ARHGEF15: variants seen among roughly 807,000 people sequenced by gnomAD.
ARHGEF15 encodes the protein Rho guanine nucleotide exchange factor 15.
In ARHGEF15, 58 loss-of-function variants were observed where a neutral mutation model predicts 79.7. The observed-to-expected ratio is 0.73, with a 90% CI of 0.59 to 0.91. ARHGEF15 has a LOEUF of 0.91. Ranked by LOEUF, ARHGEF15 falls within the 40% of genes least tolerant of loss-of-function variation. The pLI, the probability that ARHGEF15 is intolerant of heterozygous loss-of-function variation, is 0.00. For synonymous variants in ARHGEF15, 442 were observed against 456.0 expected (o/e 0.97, Z 0.39); for missense variants, 1,012 against 1,108.1 (o/e 0.91, Z 1.23).
chr17:8,318,992 C>T lies in ARHGEF15; in HGVS notation c.2034-15C>T, dbSNP rs1396443862. 1.9e-6 allele frequency: 3 copies of T among 1,612,502 alleles called. No homozygotes were observed. The highest frequency in any genetic ancestry group is 2.5e-6 in the Non-Finnish European group (3 of 1,179,456). On this transcript the variant is annotated splice_polypyrimidine_tract_variant and intron_variant, in intron 12 of 15. Coordinates refer to ENST00000361926, the MANE Select transcript of ARHGEF15 (RefSeq NM_173728.4). This position sits in a 1 kb window ranked among gnomAD's most constrained non-coding sequence, Gnocchi z 5.0. ...GACCCCTGCTGTCCTTCTGAACGAC[C>T]TCATCCCTGGGCAGTGGGCAGCGGT...
At position 8,314,958 on chromosome 17, in the gene ARHGEF15, C is replaced by A; in HGVS notation, c.1042C>A (p.Gln348Lys). 1 of 1,614,028 alleles carries A rather than the reference C, an allele frequency of 6.2e-7. No homozygotes were observed. Among genetic ancestry groups the A allele is most frequent in the South Asian group, 1.1e-5 (1 of 91,066 alleles). Residue 348 changes from glutamine to lysine, a missense_variant, in exon 5 of 16, where the codon CAG (glutamine) becomes AAG (lysine). Physicochemically the swap from Gln to Lys is moderately conservative, Grantham distance 53. This residue lies in a region of ARHGEF15 where 818 missense variants were observed against 882.5 expected (regional missense o/e 0.93). Coordinates refer to ENST00000361926, the MANE Select transcript of ARHGEF15 (RefSeq NM_173728.4). ...GGAGCAGAATTGGGAGCTGCCCCTGCAGGATGGTGAGGGCCTCTGGACCTG... is the reference window on the plus strand; with the variant it reads ...GGAGCAGAATTGGGAGCTGCCCCTGAAGGATGGTGAGGGCCTCTGGACCTG... ...LKEQNWELPL[Q>K]DEPLYQTYRA...
rs768425008 is a variant in ARHGEF15 at position 8,312,122 on chromosome 17, C to T, written c.83C>T (p.Ser28Phe). ...ATCCGCCCCCGCCCTCCTTCTCGTT[C>T]CAGGGCTGCCCAGTCCCCAGGGCCT... ...RIIRPRPPSR[S>F]RAAQSPGPPH... Residue 28 changes from serine to phenylalanine, a missense_variant, in exon 2 of 16, where the codon TCC becomes TTC. This residue lies in a region of ARHGEF15 where 818 missense variants were observed against 882.5 expected (regional missense o/e 0.93). Coordinates refer to ENST00000361926, the MANE Select transcript of ARHGEF15 (RefSeq NM_173728.4). The T allele has an allele frequency of 5.4e-6, 8 of 1,471,972 alleles. No individual in the cohort carries two copies. In the Admixed American group the frequency reaches 5.6e-5, roughly 10 times the overall value. The allele number at this position is 1,471,972 out of a possible 1,614,324, so 91.2% of individuals were successfully genotyped here. A position where few individuals can be genotyped will look rare whatever the true frequency, so the allele number is the denominator to read the frequency against.
At position 8,315,914 on chromosome 17, in the gene ARHGEF15, G is replaced by A; in HGVS notation, c.1574+7G>A. 1.9e-6 allele frequency: 3 copies of A among 1,607,794 alleles called. No individual in the cohort carries two copies. The highest frequency in any genetic ancestry group is 2.7e-5 in the African/African-American group (2 of 75,018). On this transcript the variant is annotated splice_region_variant and intron_variant, in intron 8 of 15. Coordinates refer to ENST00000361926, the MANE Select transcript of ARHGEF15 (RefSeq NM_173728.4). The surrounding 1 kb of genome is among the most constrained non-coding windows in gnomAD (Gnocchi z 4.3). ...AGACCTACAGCCGCCTCATGTGAGTGTCCCAGGGGTGGGGAGGAAGCTGGG... is the reference window on the plus strand; with the variant it reads ...AGACCTACAGCCGCCTCATGTGAGTATCCCAGGGGTGGGGAGGAAGCTGGG...
chr17:8,315,911 A>T lies in ARHGEF15; in HGVS notation c.1574+4A>T, dbSNP rs747306287. On this transcript the variant is annotated splice_donor_region_variant and intron_variant, in intron 8 of 15. Coordinates refer to ENST00000361926, the MANE Select transcript of ARHGEF15 (RefSeq NM_173728.4). This position sits in a 1 kb window ranked among gnomAD's most constrained non-coding sequence, Gnocchi z 4.3. ...AGGAGACCTACAGCCGCCTCATGTG[A>T]GTGTCCCAGGGGTGGGGAGGAAGCT... The T allele has an allele frequency of 1.3e-5, 21 of 1,607,888 alleles. No individual in the cohort carries two copies. The highest frequency in any genetic ancestry group is 1.8e-5 in the Non-Finnish European group (21 of 1,179,770).
intron 4 of ARHGEF15, 121 bp from the exon 5 acceptor site, chr17:8,314,785 G>C (rs931758356): frequency 2.1e-6 from 2 of 973,694 alleles, no homozygotes; most frequent in Non-Finnish European, 2.9e-6. Context: ...GATTTGGGGA[G>C]CCGTCAGGGT....
Position 8,320,908 on chromosome 17 carries a change from AAAG to A in ARHGEF15, c.2442_2444del (p.Arg817del). On this transcript the variant is annotated inframe_deletion, in exon 16 of 16. Transcript: ENST00000361926. ...GTGTGTGAAGTCACAGGGGAACACG[AAAG>A]GAGGAGGCACCTTCGCCAGAACCAG... 6.2e-7 allele frequency: 1 copy of A among 1,613,956 alleles called. No homozygotes were observed. Among genetic ancestry groups the A allele is most frequent in the Non-Finnish European group, 8.5e-7 (1 of 1,180,000 alleles).
At chr17:8,320,574 A>G (rs1905317833) in intron 15 of ARHGEF15, among the ~76,000 whole-genome samples, 1 of 152,186 alleles carries the variant, frequency 6.6e-6, no homozygotes, top group Admixed American at 6.5e-5. Flanking sequence ...GGGATCACGC[A>G]GGACCTGACA....
chr17:8,319,441 G>T lies in ARHGEF15; in HGVS notation c.2269+47G>T. 6 of 1,599,342 alleles carry T rather than the reference G, an allele frequency of 3.8e-6. No homozygotes were observed. The South Asian group carries it at 5.6e-5, about 15-fold the overall frequency. ...ATGAGGGAAGAAAAAGCGAGTCTTA[G>T]AGGAATATGGGGGAGAAGCTAAACA... On this transcript the variant is annotated intron_variant, in intron 14 of 15. Coordinates refer to ENST00000361926, the MANE Select transcript of ARHGEF15 (RefSeq NM_173728.4).
In ARHGEF15 at chr17:8,314,925, G is replaced by A; in HGVS notation, c.1009G>A (p.Val337Met). 3 of 1,614,018 alleles carry A rather than the reference G, an allele frequency of 1.9e-6. No homozygotes were observed. Among genetic ancestry groups the A allele is most frequent in the Non-Finnish European group, 2.5e-6 (3 of 1,179,984 alleles). Reference protein sequence around the residue: ...VEGREEEGLEVLKEQNWELPL... With the variant: ...VEGREEEGLEMLKEQNWELPL... ...CCACAGGGAAGAGGAGGGGCTAGAG[G>A]TGCTGAAGGAGCAGAATTGGGAGCT... The change falls in exon 5 of 16, where the codon GTG becomes ATG. Residue 337 changes from valine (V) to methionine (M), a missense_variant. This residue lies in a region of ARHGEF15 where 818 missense variants were observed against 882.5 expected (regional missense o/e 0.93). Transcript: ENST00000361926.
Position 8,319,323 on chromosome 17 carries a change from A to G in ARHGEF15, c.2198A>G (p.Gln733Arg). The change falls in exon 14 of 16, where the codon CAG (glutamine) becomes CGG (arginine). Residue 733 changes from glutamine (Q) to arginine (R), a missense_variant. Around this residue, in one of 3 missense-constraint regions of ARHGEF15, gnomAD observed 62 missense variants for 101.3 expected, o/e 0.61. Transcript: ENST00000361926. Reference protein sequence around the residue: ...LLQASSLSDMQRWLGAFPTPG... With the variant: ...LLQASSLSDMRRWLGAFPTPG... ...AATATCCCCACCAGATCAGACATGC[A>G]GCGCTGGCTGGGAGCCTTCCCAACC... The G allele has an allele frequency of 6.2e-7, 1 of 1,613,990 alleles. No homozygotes were observed. The highest frequency in any genetic ancestry group is 8.5e-7 in the Non-Finnish European group (1 of 1,179,978).
chr17:8,315,806 C>G lies in ARHGEF15; in HGVS notation c.1473C>G (p.Asp491Glu). ...SRVRSSPHIS[D>E]LCDVVHAHAV... ...TGCGCTCTTCCCCCCACATCAGCGACTTGTGTGATGTGGTGCATGCCCACG... is the reference window on the plus strand; with the variant it reads ...TGCGCTCTTCCCCCCACATCAGCGAGTTGTGTGATGTGGTGCATGCCCACG... Residue 491 changes from aspartate (D) to glutamate (E), a missense_variant, in exon 8 of 16, where the codon GAC becomes GAG. Around this residue, in one of 3 missense-constraint regions of ARHGEF15, gnomAD observed 818 missense variants for 882.5 expected, o/e 0.93. Transcript: ENST00000361926. The surrounding 1 kb of genome is among the most constrained non-coding windows in gnomAD (Gnocchi z 4.3). 3 of 1,613,422 alleles carry G rather than the reference C, an allele frequency of 1.9e-6. No homozygotes were observed. Among genetic ancestry groups the G allele is most frequent in the Non-Finnish European group, 2.5e-6 (3 of 1,180,010 alleles).
rs1254623253 is a variant in ARHGEF15 at position 8,318,602 on chromosome 17, C to CATGAA, written c.1813_1817dup (p.Gln607Ter). 4 of 1,613,862 alleles carry CATGAA rather than the reference C, an allele frequency of 2.5e-6. No individual in the cohort carries two copies. Among genetic ancestry groups the CATGAA allele is most frequent in the Non-Finnish European group, 3.4e-6 (4 of 1,179,794 alleles). ...AGCGTTGCAGCGCTGAGGTGGGGCG[C>CATGAA]ATGAAGCAGACTGAAGAGCTGATCC... On this transcript the variant is annotated frameshift_variant, in exon 11 of 16. Coordinates refer to ENST00000361926, the MANE Select transcript of ARHGEF15 (RefSeq NM_173728.4). LOFTEE classifies it high-confidence loss of function. This position sits in a 1 kb window ranked among gnomAD's most constrained non-coding sequence, Gnocchi z 5.0.
chr17:8,320,513 C>T (rs1307036519), intron 15 of ARHGEF15, among the ~76,000 whole-genome samples: 1 of 151,992 alleles, frequency 6.6e-6, no homozygotes, highest in Non-Finnish European at 1.5e-5. Context: ...GTGTGACTAG[C>T]AGGAGAGAGA....
intron 1 of ARHGEF15, among the ~76,000 whole-genome samples, chr17:8,310,571 G>T (rs1179935555): frequency 1.3e-5 from 2 of 152,168 alleles, no homozygotes; most frequent in Non-Finnish European, 1.5e-5. Context: ...TTGCCGTCTT[G>T]TCCTCATCCC....
chr17:8,313,837 C>A (rs1315840944), intron 4 of ARHGEF15: 2 of 344,890 alleles, frequency 5.8e-6, no homozygotes, highest in East Asian at 9.3e-5. Context: ...CAAGATCAGC[C>A]TGGCTAACGT....
Position 8,315,018 on chromosome 17 carries a change from G to C in ARHGEF15, c.1049-48G>C. On this transcript the variant is annotated intron_variant, in intron 5 of 15. Coordinates refer to ENST00000361926, the MANE Select transcript of ARHGEF15 (RefSeq NM_173728.4). The surrounding 1 kb of genome is among the most constrained non-coding windows in gnomAD (Gnocchi z 4.3). Reference sequence around the variant, plus strand: ...GCTGTGACCATCAAGCAGTGGGGAAGGGTTTGGGAGCCCTGGGCTTCCCTG... The same window carrying C: ...GCTGTGACCATCAAGCAGTGGGGAACGGTTTGGGAGCCCTGGGCTTCCCTG... 1 of 1,613,824 alleles carries C rather than the reference G, an allele frequency of 6.2e-7. No individual in the cohort carries two copies. Among genetic ancestry groups the C allele is most frequent in the Non-Finnish European group, 8.5e-7 (1 of 1,179,840 alleles).
chr17:8,311,133 T>G (rs1246592248), intron 1 of ARHGEF15, among the ~76,000 whole-genome samples: 1 of 151,990 alleles, frequency 6.6e-6, no homozygotes, highest in Admixed American at 6.6e-5. Context: ...GGGGTCTGAC[T>G]CTCCTGCTGA....
intron 14 of ARHGEF15, 40 bp downstream of exon 14, chr17:8,319,434 A>G (rs1905239526): frequency 1.2e-6 from 2 of 1,600,948 alleles, no homozygotes. Context: ...AGAAAAAGCG[A>G]GTCTTAGAGG....
Position 8,318,628 on chromosome 17 carries a change from G to T in ARHGEF15, c.1838G>T (p.Arg613Leu). The T allele has an allele frequency of 6.2e-7, 1 of 1,613,676 alleles. No individual in the cohort carries two copies. The highest frequency in any genetic ancestry group is 1.1e-5 in the South Asian group (1 of 91,064). ...ATGAAGCAGACTGAAGAGCTGATCC[G>T]GCTCACCCAAAGGCTGCGCTTCCAC... Reference protein sequence around the residue: ...GRMKQTEELIRLTQRLRFHKV... With the variant: ...GRMKQTEELILLTQRLRFHKV... Residue 613 changes from arginine to leucine, a missense_variant, in exon 11 of 16, where the codon CGG becomes CTG. Around this residue, in one of 3 missense-constraint regions of ARHGEF15, gnomAD observed 818 missense variants for 882.5 expected, o/e 0.93. Coordinates refer to ENST00000361926, the MANE Select transcript of ARHGEF15 (RefSeq NM_173728.4). This position sits in a 1 kb window ranked among gnomAD's most constrained non-coding sequence, Gnocchi z 5.0.
Sources: allele counts gnomAD v4.1 joint callset (sites outside exome capture counted in the v4.1 genomes callset), GRCh38; gene constraint gnomAD v4.1.1; regional missense constraint gnomAD v4.1.1; non-coding constraint Gnocchi (gnomAD v3.1); transcripts MANE v1.5; gene names NCBI Gene and HGNC (gene_info 2026-07-23, HGNC 2026-07-21).